Variants in MEF2A observed in about 807,000 individuals in gnomAD.
MEF2A encodes the protein myocyte-specific enhancer factor 2A.
Under a neutral mutation model 55.8 loss-of-function variants are expected in MEF2A, and 28 were observed. That is an observed-to-expected ratio of 0.50 (90% CI 0.37 to 0.69). The LOEUF is 0.69. MEF2A is among the 30% of genes least tolerant of loss of function. The pLI, the probability that MEF2A is intolerant of heterozygous loss-of-function variation, is 0.00. For missense variants in MEF2A, 528 were observed against 626.2 expected, an observed-to-expected ratio of 0.84 and a Z score of 1.67; for synonymous variants, 239 against 227.1, an observed-to-expected ratio of 1.05 and a Z score of -0.47.
chr15:99,691,201 G>A (rs1025205724), intron 8 of MEF2A, among the ~76,000 whole-genome samples: 1 of 148,922 alleles, frequency 6.7e-6, no homozygotes, highest in Non-Finnish European at 1.5e-5. Context: ...CAGAGACAGA[G>A]GGAGGGGGGA....
At chr15:99,589,575 T>A (rs1046399288) in intron 1 of MEF2A, among the ~76,000 whole-genome samples, 1 of 152,076 alleles carries the variant, frequency 6.6e-6, no homozygotes, top group Non-Finnish European at 1.5e-5. Context: ...TGTCTTAGGG[T>A]GGAAGTTTGG....
chr15:99,642,394 C>T (rs2045181358), intron 3 of MEF2A, among the ~76,000 whole-genome samples: 1 of 151,906 alleles, frequency 6.6e-6, no homozygotes, highest in Admixed American at 6.6e-5. Context: ...AAATATTTTT[C>T]CTTTGCTAAA....
intron 1 of MEF2A, among the ~76,000 whole-genome samples, chr15:99,572,169 G>A (rs534876703): frequency 2.0e-5 from 3 of 152,240 alleles, no homozygotes; most frequent in South Asian, 4.1e-4. Flanking sequence ...CCCTGAATGA[G>A]CTTTCTCCTT....
chr15:99,599,068 C>T (rs373117114), intron 2 of MEF2A, among the ~76,000 whole-genome samples: 1 of 152,076 alleles, frequency 6.6e-6, no homozygotes, highest in East Asian at 1.9e-4. Flanking sequence ...CAGGAGGAGA[C>T]TATTTTGATT....
At chr15:99,688,686 G>A (rs1597166464) in intron 7 of MEF2A, among the ~76,000 whole-genome samples, 1 of 152,310 alleles carries the variant, frequency 6.6e-6, no homozygotes, top group African/African-American at 2.4e-5. Flanking sequence ...GAACCCAGGA[G>A]GTGGAGCTTG....
intron 4 of MEF2A, among the ~76,000 whole-genome samples, chr15:99,652,083 A>G (rs1235774922): frequency 6.6e-6 from 1 of 152,186 alleles, no homozygotes; most frequent in South Asian, 2.1e-4. Context: ...TTTTTGACCA[A>G]TAAGAAGAGG....
intron 2 of MEF2A, among the ~76,000 whole-genome samples, chr15:99,632,626 T>C (rs1024069583): frequency 6.6e-6 from 1 of 152,200 alleles, no homozygotes; most frequent in African/African-American, 2.4e-5. Flanking sequence ...GTAATAATTA[T>C]AGATTGCTAT....
At chr15:99,674,980 A>G (rs1208994798) in intron 6 of MEF2A, among the ~76,000 whole-genome samples, 1 of 152,170 alleles carries the variant, frequency 6.6e-6, no homozygotes, top group Non-Finnish European at 1.5e-5. Context: ...TATCTTTTAC[A>G]TCTCCTCCTG....
At chr15:99,625,780 TTTTA>T in intron 2 of MEF2A, among the ~76,000 whole-genome samples, 1 of 152,170 alleles carries the variant, frequency 6.6e-6, no homozygotes, top group Non-Finnish European at 1.5e-5. Context: ...GTCACATTGA[TTTTA>T]GTATGTTGAA....
chr15:99,622,702 C>CT (rs56054040), intron 2 of MEF2A, among the ~76,000 whole-genome samples: 111 of 135,696 alleles, frequency 8.2e-4, no homozygotes, highest in African/African-American at 1.5e-3. Context: ...GTTTTCTTTT[C>CT]TTTTTTTTTT....
chr15:99,636,653 G>A (rs1266260829), intron 3 of MEF2A, among the ~76,000 whole-genome samples: 1 of 152,072 alleles, frequency 6.6e-6, no homozygotes, highest in African/African-American at 2.4e-5. Context: ...CTTTCTTAAT[G>A]TTTTAAAAAA....
chr15:99,678,213 A>G (rs1175465375), intron 7 of MEF2A, among the ~76,000 whole-genome samples: 1 of 152,178 alleles, frequency 6.6e-6, no homozygotes, highest in Admixed American at 6.6e-5. Flanking sequence ...AAATACATGG[A>G]GATTTTCCAG....
At chr15:99,600,754 A>G (rs988957838) in intron 2 of MEF2A, among the ~76,000 whole-genome samples, 4 of 151,866 alleles carry the variant, frequency 2.6e-5, no homozygotes, top group African/African-American at 4.8e-5. Flanking sequence ...CTGCTGATCT[A>G]TATATCCTTA....
chr15:99,603,399 G>T (rs1973983044), intron 2 of MEF2A, among the ~76,000 whole-genome samples: 1 of 148,264 alleles, frequency 6.7e-6, no homozygotes. Flanking sequence ...TTCAAAGACA[G>T]TCTCACTCTG....
At chr15:99,671,251 T>C (rs932617177) in intron 4 of MEF2A, 72 bp from the exon 5 acceptor site, 9 of 1,535,054 alleles carry the variant, frequency 5.9e-6, no homozygotes, top group Non-Finnish European at 8.0e-6. Context: ...CTGTGCTCTC[T>C]TAATAAATTT....
chr15:99,569,022 A>G (rs1960939485), intron 1 of MEF2A, among the ~76,000 whole-genome samples: 1 of 152,218 alleles, frequency 6.6e-6, no homozygotes. Context: ...AAGTGTAAAT[A>G]TGGAAATCAG....
chr15:99,624,761 T>G (rs1338205028), intron 2 of MEF2A, among the ~76,000 whole-genome samples: 1 of 152,234 alleles, frequency 6.6e-6, no homozygotes, highest in Non-Finnish European at 1.5e-5. Context: ...CTTTGTGCAG[T>G]ATTGATATCT....
chr15:99,571,251 A>G (rs1437092979), intron 1 of MEF2A, among the ~76,000 whole-genome samples: 1 of 151,674 alleles, frequency 6.6e-6, no homozygotes, highest in African/African-American at 2.4e-5. Context: ...CACTGTTCTT[A>G]CTGTGTTCTT....
chr15:99,619,795 G>C (rs2040827755), intron 2 of MEF2A, among the ~76,000 whole-genome samples: 1 of 152,174 alleles, frequency 6.6e-6, no homozygotes, highest in African/African-American at 2.4e-5. Context: ...GTTATAAAAA[G>C]TCACTTTTAC....
Sources: allele counts gnomAD v4.1 joint callset (sites outside exome capture counted in the v4.1 genomes callset), GRCh38; gene constraint gnomAD v4.1.1; transcripts MANE v1.5; gene names NCBI Gene and HGNC (gene_info 2026-07-23, HGNC 2026-07-21).